Variants in PCDH15 observed in about 807,000 individuals in gnomAD.
PCDH15 encodes protocadherin-15.
In PCDH15, 129 loss-of-function variants were observed where a neutral mutation model predicts 178.5. The observed-to-expected ratio is 0.72, with a 90% CI of 0.63 to 0.84. The LOEUF is 0.84. PCDH15 is among the 40% of genes least tolerant of loss of function. The pLI, the probability that PCDH15 is intolerant of heterozygous loss-of-function variation, is 0.00. For missense variants in PCDH15, 2,230 were observed against 2,099.9 expected (o/e 1.06, Z -1.21); for synonymous variants, 800 against 732.0 (o/e 1.09, Z -1.50).
chr10:54,594,445 C>T (rs971548809), intron 2 of PCDH15, among the ~76,000 whole-genome samples: 2 of 152,112 alleles, frequency 1.3e-5, no homozygotes, highest in Non-Finnish European at 2.9e-5. Flanking sequence ...TGGGCCCCAG[C>T]CTGCCTGTAC....
intron 18 of PCDH15, among the ~76,000 whole-genome samples, chr10:54,045,046 G>A (rs1178064957): frequency 2.6e-5 from 4 of 152,080 alleles, no homozygotes; most frequent in African/African-American, 9.7e-5. Flanking sequence ...TGCTGACCTA[G>A]TAGAATACTG....
At chr10:55,588,790 T>C (rs1370456697) in intron 2 of PCDH15, among the ~76,000 whole-genome samples, 1 of 151,800 alleles carries the variant, frequency 6.6e-6, no homozygotes, top group Non-Finnish European at 1.5e-5. Context: ...CTGTTCGAAA[T>C]AAAGGAATAG....
chr10:54,516,997 G>C (rs1330140248), intron 3 of PCDH15, among the ~76,000 whole-genome samples: 2 of 152,092 alleles, frequency 1.3e-5, no homozygotes, highest in African/African-American at 4.8e-5. Context: ...ATACTTTACA[G>C]ACAAGCAAAT....
At chr10:55,541,867 C>A (rs1841766809) in intron 2 of PCDH15, among the ~76,000 whole-genome samples, 1 of 151,806 alleles carries the variant, frequency 6.6e-6, no homozygotes, top group Non-Finnish European at 1.5e-5. Context: ...CTCTCAGAAG[C>A]AGCGATTTGT....
intron 2 of PCDH15, among the ~76,000 whole-genome samples, chr10:55,505,538 A>C (rs1375034890): frequency 6.6e-6 from 1 of 151,408 alleles, no homozygotes; most frequent in Admixed American, 6.6e-5. Context: ...ACAGATTCAC[A>C]ATGATAGACA....
At chr10:54,851,357 T>A (rs1953618508) in intron 3 of PCDH15, among the ~76,000 whole-genome samples, 1 of 152,094 alleles carries the variant, frequency 6.6e-6, no homozygotes, top group Admixed American at 6.6e-5. Flanking sequence ...ACAAAATAAA[T>A]ATTATAGTAA....
Position 55,192,985 on chromosome 10 carries a change from CTT to C in PCDH15, c.-155-26336_-155-26335del, listed in dbSNP as rs5785122. 5.8e-3 allele frequency among the ~76,000 whole-genome samples: 769 copies of C among 132,414 alleles called. 4 individuals carry two copies. Among genetic ancestry groups the C allele is most frequent in the South Asian group, 0.024 (103 of 4,266 alleles). 86.9% of individuals were successfully genotyped at this position (132,414 alleles called of 152,430 possible). A position where few individuals can be genotyped will look rare whatever the true frequency, so the allele number is the denominator to read the frequency against. ...TTCCTTTCCTATCCTTTCAAAATGGCTTTTTTTTTTTTTTTTGATAATTGCAA... is the reference window on the plus strand; with the variant it reads ...TTCCTTTCCTATCCTTTCAAAATGGCTTTTTTTTTTTTTTGATAATTGCAA... On this transcript the variant is annotated intron_variant, in intron 1 of 5. Transcript: ENST00000458638.
chr10:54,298,847 G>T (rs1205750530), intron 8 of PCDH15, among the ~76,000 whole-genome samples: 1 of 152,228 alleles, frequency 6.6e-6, no homozygotes, highest in African/African-American at 2.4e-5. Flanking sequence ...TCCTGGGAGA[G>T]CCTGTAACCA....
chr10:54,378,780 A>G lies in PCDH15; in HGVS notation c.318+2T>C, dbSNP rs747267350. On this transcript the variant is annotated splice_donor_variant, in intron 4 of 37. Coordinates refer to ENST00000644397, the MANE Select transcript of PCDH15 (RefSeq NM_001384140.1). LOFTEE classifies it high-confidence loss of function. ...CAGGGGCAAAGAAAAAAAATCACTA[A>G]CATCTCTATCCAGAACTCTTCCGGT... 1.2e-6 allele frequency: 2 copies of G among 1,613,490 alleles called. No homozygotes were observed. The highest frequency in any genetic ancestry group is 1.3e-5 in the African/African-American group (1 of 74,890).
At chr10:55,188,935 A>G (rs1423162487) in intron 1 of PCDH15, among the ~76,000 whole-genome samples, 1 of 151,950 alleles carries the variant, frequency 6.6e-6, no homozygotes, top group Non-Finnish European at 1.5e-5. Flanking sequence ...CTTATCAGGG[A>G]TATTTCATCA....
rs879700043 is a variant in PCDH15, at chr10:55,253,229, C to CGT, written c.-156+66368_-156+66369dup. ...TGGAGAAATAGAGAGAGAGTATGTG[C>CGT]GTGTGTGTGTGTGTGTGTGCGTGTG... On this transcript the variant is annotated intron_variant, in intron 1 of 5. Coordinates refer to the PCDH15 transcript ENST00000458638. 4.7e-3 allele frequency among the ~76,000 whole-genome samples: 589 copies of CGT among 125,536 alleles called. 2 individuals are homozygous for CGT. Among genetic ancestry groups the CGT allele is most frequent in the African/African-American group, 0.015 (526 of 35,286 alleles). The allele number at this position is 125,536 out of a possible 152,430, so 82.4% of individuals were successfully genotyped here. A position where few individuals can be genotyped will look rare whatever the true frequency, so the allele number is the denominator to read the frequency against.
In PCDH15 at chr10:54,307,100, GTGTGTATATA is replaced by G. The variant is rs1332207477; in HGVS notation, c.876+10161_876+10170del. ...TATATACATATATATATATGTGTGT[GTGTGTATATA>G]TATATATATATATATATATATATAT... On this transcript the variant is annotated intron_variant, in intron 8 of 37. Coordinates refer to ENST00000644397, the MANE Select transcript of PCDH15 (RefSeq NM_001384140.1). Among the ~76,000 whole-genome samples, 71 of 15,522 alleles carry G rather than the reference GTGTGTATATA, an allele frequency of 4.6e-3. 11 individuals carry two copies. In the South Asian group the frequency reaches 0.067, roughly 15 times the overall value. 10.2% of individuals were successfully genotyped at this position (15,522 alleles called of 152,430 possible).
At chr10:54,082,736 T>C (rs533168307) in intron 16 of PCDH15, among the ~76,000 whole-genome samples, 38 of 145,458 alleles carry the variant, frequency 2.6e-4, no homozygotes, top group African/African-American at 9.5e-4. Context: ...AAGGAAAAAA[T>C]AGATATACTG....
At chr10:55,181,349 G>A (rs778985921) in intron 1 of PCDH15, among the ~76,000 whole-genome samples, 2 of 151,862 alleles carry the variant, frequency 1.3e-5, no homozygotes, top group Non-Finnish European at 2.9e-5. Context: ...CCAAAGTAAT[G>A]AGCTCTACTA....
chr10:55,000,325 C>T lies in PCDH15; in HGVS notation c.-79-102825G>A, dbSNP rs190693551. The stretch of plus-strand genomic sequence containing the variant: ...TTCCTTGCTGAGAAAAAGAATTCAG[C>T]GATATTTCTCCCATTTGCTTTTGAA... On this transcript the variant is annotated intron_variant, in intron 2 of 5. Transcript: ENST00000458638. Among the ~76,000 whole-genome samples the T allele has an allele frequency of 5.9e-4, 90 of 152,256 alleles. No homozygotes were observed. In the Middle Eastern group the frequency reaches 0.01, roughly 17 times the overall value.
chr10:55,001,371 G>T (rs1369394417), intron 2 of PCDH15, among the ~76,000 whole-genome samples: 1 of 152,156 alleles, frequency 6.6e-6, no homozygotes, highest in African/African-American at 2.4e-5. Flanking sequence ...AATACCCCCT[G>T]CTCTACACAC....
chr10:54,899,958 G>A, intron 2 of PCDH15, among the ~76,000 whole-genome samples: 1 of 151,324 alleles, frequency 6.6e-6, no homozygotes, highest in Non-Finnish European at 1.5e-5. Flanking sequence ...TTTAATCAAA[G>A]CCTCCCTAAA....
intron 3 of PCDH15, among the ~76,000 whole-genome samples, chr10:54,419,243 T>TACACACACACAGAC (rs1954891723): frequency 6.6e-6 from 1 of 150,542 alleles, no homozygotes; most frequent in African/African-American, 2.4e-5. Flanking sequence ...CATATATACA[T>TACACACACACAGAC]ACACACACAC....
chr10:54,355,123 A>G (rs1944777909), intron 5 of PCDH15, among the ~76,000 whole-genome samples: 2 of 62,962 alleles, frequency 3.2e-5, no homozygotes, highest in East Asian at 4.2e-4. Context: ...AGGATTGCAA[A>G]AAAAAAAAAA....
Sources: gnomAD v4.1 joint callset for allele counts (sites outside exome capture counted in the v4.1 genomes callset) on GRCh38, gnomAD v4.1.1 for gene constraint, MANE v1.5 for transcripts, NCBI Gene and HGNC (gene_info 2026-07-23, HGNC 2026-07-21) for gene names.